DCAF4L1: variants seen among roughly 807,000 people sequenced by gnomAD.
The protein encoded by DCAF4L1 is DDB1- and CUL4-associated factor 4-like protein 1.
A neutral mutation model predicts 28.2 loss-of-function variants in DCAF4L1; 4 were observed. The observed-to-expected ratio is 0.14, with a 90% confidence interval of 0.07 to 0.33. The LOEUF (loss-of-function observed/expected upper bound fraction) is 0.33, where lower values mean the gene tolerates loss of function less well. DCAF4L1 is among the 10% of genes least tolerant of loss of function. DCAF4L1 has a pLI of 1.00. For missense variants in DCAF4L1, 331 were observed against 506.1 expected, an observed-to-expected ratio of 0.65 and a Z score of 3.32; for synonymous variants, 252 against 212.1, an observed-to-expected ratio of 1.19 and a Z score of -1.63.
chr4:41,983,631 C>A lies in DCAF4L1; in HGVS notation c.*648C>A, dbSNP rs1014702455. The A allele has an allele frequency of 1.2e-5, 2 of 166,996 alleles. No homozygotes were observed. The highest frequency in any genetic ancestry group is 4.8e-5 in the African/African-American group (2 of 41,408). The allele number at this position is 166,996 out of a possible 1,614,324, so 10.3% of individuals were successfully genotyped here. On this transcript the variant is annotated 3_prime_UTR_variant, in exon 1 of 1. Transcript: ENST00000333141. ...GAAGTTTTAAACAGTCCTTGATGTG[C>A]TTTTGTTGAGGTACCTTTCAGAATG...
chr4:41,983,896 A>G lies in DCAF4L1; in HGVS notation c.*913A>G, dbSNP rs1458637903. On this transcript the variant is annotated 3_prime_UTR_variant, in exon 1 of 1. Coordinates refer to ENST00000333141, the MANE Select transcript of DCAF4L1 (RefSeq NM_001029955.4). Reference sequence around the variant, plus strand: ...CGAAAATGCTAAAATTCGTGATATAATCATACAATCGGATACTGCATAATA... The same window carrying G: ...CGAAAATGCTAAAATTCGTGATATAGTCATACAATCGGATACTGCATAATA... The G allele has an allele frequency of 6.0e-6, 1 of 166,644 alleles. No individual in the cohort carries two copies. The highest frequency in any genetic ancestry group is 1.5e-5 in the Non-Finnish European group (1 of 68,124). The allele number at this position is 166,644 out of a possible 1,614,324, so 10.3% of individuals were successfully genotyped here.
rs375904075 is a variant in DCAF4L1, at chr4:41,985,690, C to A, written c.*2707C>A. On this transcript the variant is annotated 3_prime_UTR_variant, in exon 1 of 1. Coordinates refer to ENST00000333141, the MANE Select transcript of DCAF4L1 (RefSeq NM_001029955.4). ...GAGTGGATAAATTGTGGGATATTAA[C>A]ACAATGGAATCCTTTTTGCAGTGAG... 6.0e-6 allele frequency: 1 copy of A among 167,002 alleles called. No homozygotes were observed. The highest frequency in any genetic ancestry group is 2.4e-5 in the African/African-American group (1 of 41,412). The allele number at this position is 167,002 out of a possible 1,614,324, so 10.3% of individuals were successfully genotyped here. A position where few individuals can be genotyped will look rare whatever the true frequency, so the allele number is the denominator to read the frequency against.
chr4:41,982,410 G>A lies in DCAF4L1; in HGVS notation c.618G>A (p.Gln206=). ...ACTGCTTTAGTGCAGGCTTGTCTCA[G>A]CAGGTCCTGTTGACCAGCGTGGCGA... ...AYHCFSAGLS[Q]QVLLTSVATG... Residue 206 remains glutamine, a synonymous_variant, in exon 1 of 1, where the codon CAG becomes CAA. Coordinates refer to ENST00000333141, the MANE Select transcript of DCAF4L1 (RefSeq NM_001029955.4). This position sits in a 1 kb window ranked among gnomAD's most constrained non-coding sequence, Gnocchi z 4.4. The A allele has an allele frequency of 6.2e-7, 1 of 1,614,248 alleles. No individual in the cohort carries two copies. Among genetic ancestry groups the A allele is most frequent in the Non-Finnish European group, 8.5e-7 (1 of 1,180,050 alleles).
rs1714042931 is a variant in DCAF4L1 at position 41,983,099 on chromosome 4, C to A, written c.*116C>A. On this transcript the variant is annotated 3_prime_UTR_variant, in exon 1 of 1. Coordinates refer to ENST00000333141, the MANE Select transcript of DCAF4L1 (RefSeq NM_001029955.4). ...CGTGTTGTATATAGATCGCATCCAT[C>A]CGGCTGCCAGGGGTAAGGTGTTAAG... 14 of 904,000 alleles carry A rather than the reference C, an allele frequency of 1.5e-5. No homozygotes were observed. The highest frequency in any genetic ancestry group is 2.3e-5 in the Non-Finnish European group (14 of 597,534). 56.0% of individuals were successfully genotyped at this position (904,000 alleles called of 1,614,324 possible). A position where few individuals can be genotyped will look rare whatever the true frequency, so the allele number is the denominator to read the frequency against.
chr4:41,982,082 C>T lies in DCAF4L1; in HGVS notation c.290C>T (p.Ser97Phe). 2 of 1,614,220 alleles carry T rather than the reference C, an allele frequency of 1.2e-6. No individual in the cohort carries two copies. Among genetic ancestry groups the T allele is most frequent in the Non-Finnish European group, 1.7e-6 (2 of 1,180,042 alleles). ...GTGAACCAGGTCGAAGTCGAAGGCT[C>T]CAAGTACGGCATCATCAGCCTGCGA... is the stretch of plus-strand genomic sequence containing the variant. ...FVVNQVEVEGSKYGIISLRTL... is the reference protein window; with the variant it reads ...FVVNQVEVEGFKYGIISLRTL... The change falls in exon 1 of 1, where the codon TCC becomes TTC. Residue 97 changes from serine to phenylalanine, a missense_variant. Ser to Phe is a radical substitution (Grantham distance 155). Coordinates refer to ENST00000333141, the MANE Select transcript of DCAF4L1 (RefSeq NM_001029955.4). The surrounding 1 kb of genome is among the most constrained non-coding windows in gnomAD (Gnocchi z 4.4).
chr4:41,982,099 A>G lies in DCAF4L1; in HGVS notation c.307A>G (p.Ser103Gly). ...EVEGSKYGII[S>G]LRTLKIPSFH... ...CGAAGGCTCCAAGTACGGCATCATC[A>G]GCCTGCGAACTCTGAAGATCCCTTC... Residue 103 changes from serine to glycine, a missense_variant, in exon 1 of 1, where the codon AGC (serine) becomes GGC (glycine). By Grantham distance (56) the Ser-to-Gly change is moderately conservative (BLOSUM62 0). Coordinates refer to ENST00000333141, the MANE Select transcript of DCAF4L1 (RefSeq NM_001029955.4). This position sits in a 1 kb window ranked among gnomAD's most constrained non-coding sequence, Gnocchi z 4.4. 1 of 1,614,204 alleles carries G rather than the reference A, an allele frequency of 6.2e-7. No individual in the cohort carries two copies.
chr4:41,981,998 T>C lies in DCAF4L1; in HGVS notation c.206T>C (p.Leu69Ser). Residue 69 changes from leucine (L) to serine (S), a missense_variant, in exon 1 of 1, where the codon TTG becomes TCG. Leu to Ser is a moderately radical substitution (Grantham distance 145). Coordinates refer to ENST00000333141, the MANE Select transcript of DCAF4L1 (RefSeq NM_001029955.4). The part of the protein sequence containing the change: ...VQIRSLDPSS[L>S]ASDRFNFILA... ...ATTCGGAGCTTGGATCCCTCCTCTT[T>C]GGCGAGCGACCGATTTAACTTCATT... The C allele has an allele frequency of 6.2e-7, 1 of 1,614,238 alleles. No individual in the cohort carries two copies. The highest frequency in any genetic ancestry group is 8.5e-7 in the Non-Finnish European group (1 of 1,180,038).
chr4:41,981,874 A>G lies in DCAF4L1; in HGVS notation c.82A>G (p.Met28Val), dbSNP rs1713993781. 6.2e-7 allele frequency: 1 copy of G among 1,614,116 alleles called. No individual in the cohort carries two copies. The highest frequency in any genetic ancestry group is 1.7e-5 in the Admixed American group (1 of 60,006). Residue 28 changes from methionine (M) to valine (V), a missense_variant, in exon 1 of 1, where the codon ATG becomes GTG. Physicochemically the swap from Met to Val is conservative, Grantham distance 21 (BLOSUM62 1). Coordinates refer to ENST00000333141, the MANE Select transcript of DCAF4L1 (RefSeq NM_001029955.4). ...CAGAATGGGATTTAATGCATCTTCC[A>G]TGCTCCGAAAAAGCCAGCTAGGTTT... Reference protein sequence around the residue: ...VARMGFNASSMLRKSQLGFLN... With the variant: ...VARMGFNASSVLRKSQLGFLN...
Position 41,984,271 on chromosome 4 carries a change from A to T in DCAF4L1, c.*1288A>T, listed in dbSNP as rs1201365577. 1 of 166,846 alleles carries T rather than the reference A, an allele frequency of 6.0e-6. No homozygotes were observed. Among genetic ancestry groups the T allele is most frequent in the Non-Finnish European group, 1.5e-5 (1 of 68,124 alleles). 10.3% of individuals were successfully genotyped at this position (166,846 alleles called of 1,614,324 possible). ...ATTCCTCAAAAAATAAAAATAAGCA[A>T]TTAGGACACTATTGTAGTTAGGCAA... On this transcript the variant is annotated 3_prime_UTR_variant, in exon 1 of 1. Transcript: ENST00000333141.
In DCAF4L1 at chr4:41,984,838, G is replaced by A. The variant is rs1714100381; in HGVS notation, c.*1855G>A. On this transcript the variant is annotated 3_prime_UTR_variant, in exon 1 of 1. Transcript: ENST00000333141. Reference sequence around the variant, plus strand: ...GTAGATCAATAGAGAAGATATGGGAGTATGGTTAGGCACAGATTTTTGGAA... The same window carrying A: ...GTAGATCAATAGAGAAGATATGGGAATATGGTTAGGCACAGATTTTTGGAA... 6.0e-6 allele frequency: 1 copy of A among 167,036 alleles called. No individual in the cohort carries two copies. The highest frequency in any genetic ancestry group is 1.5e-5 in the Non-Finnish European group (1 of 68,112). 10.3% of individuals were successfully genotyped at this position (167,036 alleles called of 1,614,324 possible).
chr4:41,982,869 C>T lies in DCAF4L1; in HGVS notation c.1077C>T (p.Ser359=), dbSNP rs377157124. The T allele has an allele frequency of 2.5e-6, 4 of 1,614,160 alleles. No individual in the cohort carries two copies. The highest frequency in any genetic ancestry group is 1.1e-5 in the South Asian group (1 of 91,088). Reference sequence around the variant, plus strand: ...CCATCCCTTCCCCGTACTCTGCCTCCGAGGACGACATTCCCAGCGTGGCCT... The same window carrying T: ...CCATCCCTTCCCCGTACTCTGCCTCTGAGGACGACATTCCCAGCGTGGCCT... ...LRTIPSPYSA[S]EDDIPSVAFA... Residue 359 remains serine, a synonymous_variant, in exon 1 of 1, where the codon TCC becomes TCT. Transcript: ENST00000333141. The surrounding 1 kb of genome is among the most constrained non-coding windows in gnomAD (Gnocchi z 4.4).
At position 41,986,382 on chromosome 4, in the gene DCAF4L1, T is replaced by C. The variant is rs1161107648; in HGVS notation, c.*3399T>C. The C allele has an allele frequency of 3.0e-5, 5 of 167,054 alleles. No individual in the cohort carries two copies. The highest frequency in any genetic ancestry group is 6.5e-5 in the Admixed American group (1 of 15,282). The allele number at this position is 167,054 out of a possible 1,614,324, so 10.3% of individuals were successfully genotyped here. A position where few individuals can be genotyped will look rare whatever the true frequency, so the allele number is the denominator to read the frequency against. ...GGGGTACTGGCTACACAGTTTTTGT[T>C]CACTAGTGATAATTGTTAGAGCTAT... On this transcript the variant is annotated 3_prime_UTR_variant, in exon 1 of 1. Transcript: ENST00000333141.
chr4:41,983,098 T>A lies in DCAF4L1; in HGVS notation c.*115T>A. ...ACGTGTTGTATATAGATCGCATCCA[T>A]CCGGCTGCCAGGGGTAAGGTGTTAA... is the stretch of plus-strand genomic sequence containing the variant. On this transcript the variant is annotated 3_prime_UTR_variant, in exon 1 of 1. Transcript: ENST00000333141. 2.2e-6 allele frequency: 2 copies of A among 906,956 alleles called. No individual in the cohort carries two copies. Among genetic ancestry groups the A allele is most frequent in the South Asian group, 1.8e-5 (1 of 56,946 alleles). 56.2% of individuals were successfully genotyped at this position (906,956 alleles called of 1,614,324 possible).
Position 41,986,336 on chromosome 4 carries a change from C to G in DCAF4L1, c.*3353C>G, listed in dbSNP as rs1714157420. ...CTCAGGATATGGTTGTTACTGCTGT[C>G]AGGTGCATCCTCTCTATAGCGGGGT... On this transcript the variant is annotated 3_prime_UTR_variant, in exon 1 of 1. Coordinates refer to ENST00000333141, the MANE Select transcript of DCAF4L1 (RefSeq NM_001029955.4). 1 of 163,452 alleles carries G rather than the reference C, an allele frequency of 6.1e-6. No homozygotes were observed. Among genetic ancestry groups the G allele is most frequent in the African/African-American group, 2.4e-5 (1 of 41,284 alleles). The allele number at this position is 163,452 out of a possible 1,614,324, so 10.1% of individuals were successfully genotyped here.
Position 41,984,647 on chromosome 4 carries a change from A to G in DCAF4L1, c.*1664A>G, listed in dbSNP as rs764604149. 4 of 167,060 alleles carry G rather than the reference A, an allele frequency of 2.4e-5. No individual in the cohort carries two copies. Among genetic ancestry groups the G allele is most frequent in the Admixed American group, 1.3e-4 (2 of 15,284 alleles). The allele number at this position is 167,060 out of a possible 1,614,324, so 10.3% of individuals were successfully genotyped here. On this transcript the variant is annotated 3_prime_UTR_variant, in exon 1 of 1. Transcript: ENST00000333141. Reference sequence around the variant, plus strand: ...GAATGATGCTGAGTTTTAGACATCTACTAAACCTCCAATTGGAGATACAAA... The same window carrying G: ...GAATGATGCTGAGTTTTAGACATCTGCTAAACCTCCAATTGGAGATACAAA...
chr4:41,982,304 T>G lies in DCAF4L1; in HGVS notation c.512T>G (p.Val171Gly), dbSNP rs1309063270. ...ASRFLSVHTRVNQPGMLCSFQ... is the reference protein window; with the variant it reads ...ASRFLSVHTRGNQPGMLCSFQ... ...CGGTTCTTAAGTGTTCACACAAGAG[T>G]TAACCAGCCTGGCATGCTCTGCAGT... Residue 171 changes from valine to glycine, a missense_variant, in exon 1 of 1, where the codon GTT (valine) becomes GGT (glycine). Coordinates refer to ENST00000333141, the MANE Select transcript of DCAF4L1 (RefSeq NM_001029955.4). The surrounding 1 kb of genome is among the most constrained non-coding windows in gnomAD (Gnocchi z 4.4). 2 of 1,614,110 alleles carry G rather than the reference T, an allele frequency of 1.2e-6. No homozygotes were observed. The highest frequency in any genetic ancestry group is 1.7e-6 in the Non-Finnish European group (2 of 1,180,016).
Position 41,983,039 on chromosome 4 carries a change from T to C in DCAF4L1, c.*56T>C. On this transcript the variant is annotated 3_prime_UTR_variant, in exon 1 of 1. Transcript: ENST00000333141. ...ATTTGACTTAAGGAAGTTAAGAGTATCTTATTACCGTTTCTGTGAGAGCAT... is the reference window on the plus strand; with the variant it reads ...ATTTGACTTAAGGAAGTTAAGAGTACCTTATTACCGTTTCTGTGAGAGCAT... 1 of 1,451,568 alleles carries C rather than the reference T, an allele frequency of 6.9e-7. No homozygotes were observed. The highest frequency in any genetic ancestry group is 2.3e-5 in the East Asian group (1 of 43,850). 89.9% of individuals were successfully genotyped at this position (1,451,568 alleles called of 1,614,324 possible). A position where few individuals can be genotyped will look rare whatever the true frequency, so the allele number is the denominator to read the frequency against.
chr4:41,983,002 G>C lies in DCAF4L1; in HGVS notation c.*19G>C, dbSNP rs374252051. 2.5e-6 allele frequency: 4 copies of C among 1,568,776 alleles called. No individual in the cohort carries two copies. Among genetic ancestry groups the C allele is most frequent in the Middle Eastern group, 1.7e-4 (1 of 5,818 alleles). The stretch of plus-strand genomic sequence containing the variant: ...CAGCTAATTCTGCAGGTGGCAGCGC[G>C]GCCGAATGTGGATTTGACTTAAGGA... On this transcript the variant is annotated 3_prime_UTR_variant, in exon 1 of 1. Transcript: ENST00000333141.
rs994904213 is a variant in DCAF4L1, at chr4:41,984,919, GCTTTA to G, written c.*1940_*1944del. On this transcript the variant is annotated 3_prime_UTR_variant, in exon 1 of 1. Coordinates refer to ENST00000333141, the MANE Select transcript of DCAF4L1 (RefSeq NM_001029955.4). ...ATATGTGACATGAGAAATTGTGTAAGCTTTACTTGCTGTTGTTTCTTCAGTGTAAA... is the reference window on the plus strand; with the variant it reads ...ATATGTGACATGAGAAATTGTGTAAGCTTGCTGTTGTTTCTTCAGTGTAAA... 3 of 167,022 alleles carry G rather than the reference GCTTTA, an allele frequency of 1.8e-5. No homozygotes were observed. Among genetic ancestry groups the G allele is most frequent in the Non-Finnish European group, 4.4e-5 (3 of 68,094 alleles). The allele number at this position is 167,022 out of a possible 1,614,324, so 10.3% of individuals were successfully genotyped here. A position where few individuals can be genotyped will look rare whatever the true frequency, so the allele number is the denominator to read the frequency against.
Sources: allele counts gnomAD v4.1 joint callset, GRCh38; gene constraint gnomAD v4.1.1; non-coding constraint Gnocchi (gnomAD v3.1); transcripts MANE v1.5; gene names NCBI Gene and HGNC (gene_info 2026-07-23, HGNC 2026-07-21).